Variants in TCF4 observed in about 807,000 individuals in gnomAD.
TCF4 encodes the protein SL3-3 enhancer factor 2.
In TCF4, 3 loss-of-function variants were observed where a neutral mutation model predicts 82.1. The observed-to-expected ratio is 0.04, with a 90% CI of 0.02 to 0.09. TCF4 has a LOEUF of 0.09. Among genes scored for constraint, TCF4 ranks in the 10% least tolerant of loss-of-function variants. The pLI, the probability that TCF4 is intolerant of heterozygous loss-of-function variation, is 1.00. For synonymous variants in TCF4, 276 were observed against 309.6 expected (o/e 0.89, Z 1.14); for missense variants, 518 against 852.7 (o/e 0.61, Z 4.89).
intron 8 of TCF4, among the ~76,000 whole-genome samples, chr18:55,316,550 A>G (rs1488713910): frequency 1.3e-5 from 2 of 152,120 alleles, no homozygotes; most frequent in Non-Finnish European, 2.9e-5. Flanking sequence ...CCATTAAAAG[A>G]TAAGTTATAA....
At chr18:55,316,867 A>G (rs1398064913) in intron 8 of TCF4, among the ~76,000 whole-genome samples, 4 of 152,056 alleles carry the variant, frequency 2.6e-5, no homozygotes, top group Admixed American at 6.6e-5. Context: ...ATGCTTTACC[A>G]ACACTATATT....
At chr18:55,580,539 G>C (rs1229625822) in intron 3 of TCF4, among the ~76,000 whole-genome samples, 2 of 151,898 alleles carry the variant, frequency 1.3e-5, no homozygotes, top group South Asian at 2.1e-4. Context: ...GACATATTTA[G>C]TCACATTGAT....
chr18:55,297,820 A>C (rs570353346), intron 8 of TCF4, among the ~76,000 whole-genome samples: 1 of 152,290 alleles, frequency 6.6e-6, no homozygotes, highest in African/African-American at 2.4e-5. Flanking sequence ...TTCCAAGGAC[A>C]GTTTGAGTAT....
chr18:55,462,714 C>T (rs2095893641), intron 4 of TCF4, among the ~76,000 whole-genome samples: 1 of 152,076 alleles, frequency 6.6e-6, no homozygotes, highest in Non-Finnish European at 1.5e-5. Context: ...ATGAACTAAA[C>T]AATTGAGGGG....
chr18:55,584,931 T>TA (rs1397014954), intron 3 of TCF4, among the ~76,000 whole-genome samples: 1 of 152,172 alleles, frequency 6.6e-6, no homozygotes, highest in Non-Finnish European at 1.5e-5. Flanking sequence ...TTATGAATGT[T>TA]AGAGATTTTT....
At chr18:55,315,923 A>G (rs1175870593) in intron 8 of TCF4, among the ~76,000 whole-genome samples, 1 of 152,084 alleles carries the variant, frequency 6.6e-6, no homozygotes, top group Non-Finnish European at 1.5e-5. Flanking sequence ...TGTTTTATGA[A>G]TATACAGATA....
intron 3 of TCF4, among the ~76,000 whole-genome samples, chr18:55,485,126 T>C (rs1302588012): frequency 6.6e-6 from 1 of 152,236 alleles, no homozygotes; most frequent in Non-Finnish European, 1.5e-5. Context: ...TTTGATGATT[T>C]TTCTGTTTGG....
At chr18:55,596,785 C>G (rs894667861) in intron 2 of TCF4, among the ~76,000 whole-genome samples, 11 of 152,148 alleles carry the variant, frequency 7.2e-5, no homozygotes, top group Admixed American at 2.6e-4. Context: ...AGTCTTGTTT[C>G]AGCTGTATAA....
intron 3 of TCF4, among the ~76,000 whole-genome samples, chr18:55,539,627 T>C (rs913309399): frequency 2.0e-5 from 3 of 152,114 alleles, no homozygotes; most frequent in African/African-American, 7.2e-5. Flanking sequence ...TTATCCACTG[T>C]GGACAAGTCA....
chr18:55,249,609 A>C (rs1260157015), intron 15 of TCF4, among the ~76,000 whole-genome samples: 1 of 152,228 alleles, frequency 6.6e-6, no homozygotes, highest in Non-Finnish European at 1.5e-5. Flanking sequence ...AATCTGCTTA[A>C]GTACACATCT....
intron 3 of TCF4, among the ~76,000 whole-genome samples, chr18:55,573,709 C>T (rs980956104): frequency 2.0e-5 from 3 of 152,180 alleles, no homozygotes; most frequent in Non-Finnish European, 2.9e-5. Context: ...TGACTGCTCC[C>T]CTTGATCAGA....
At chr18:55,422,148 A>AAC (rs1556299552) in intron 5 of TCF4, 402 of 832,280 alleles carry the variant, frequency 4.8e-4, no homozygotes, top group Non-Finnish European at 5.6e-4. Context: ...AAAAAAAAAA[A>AAC]CCCACCCTGA....
chr18:55,250,887 C>T (rs1339085319), intron 15 of TCF4, among the ~76,000 whole-genome samples: 1 of 152,040 alleles, frequency 6.6e-6, no homozygotes, highest in Non-Finnish European at 1.5e-5. Flanking sequence ...TGGTATGATT[C>T]ATAGGGCTGT....
chr18:55,233,073 T>A (rs1435125187), intron 16 of TCF4, among the ~76,000 whole-genome samples: 1 of 152,096 alleles, frequency 6.6e-6, no homozygotes, highest in Non-Finnish European at 1.5e-5. Context: ...TCCCAGGGAG[T>A]ATGCTAAATA....
At chr18:55,507,404 G>A (rs1049513357) in intron 3 of TCF4, among the ~76,000 whole-genome samples, 2 of 152,074 alleles carry the variant, frequency 1.3e-5, no homozygotes, top group African/African-American at 2.4e-5. Flanking sequence ...TTCATGTCCC[G>A]GATGAGATGG....
At chr18:55,407,264 C>T (rs1255498005) in intron 5 of TCF4, among the ~76,000 whole-genome samples, 1 of 152,126 alleles carries the variant, frequency 6.6e-6, no homozygotes, top group Non-Finnish European at 1.5e-5. Flanking sequence ...GAGAGGATTT[C>T]ATAAACTAAG....
chr18:55,298,692 G>A (rs1039833692), intron 8 of TCF4, among the ~76,000 whole-genome samples: 7 of 152,190 alleles, frequency 4.6e-5, no homozygotes, highest in Admixed American at 2.6e-4. Flanking sequence ...TAAAACATGT[G>A]ACTAGAGCAA....
intron 8 of TCF4, among the ~76,000 whole-genome samples, chr18:55,309,113 T>C (rs898447108): frequency 6.6e-6 from 1 of 151,834 alleles, no homozygotes; most frequent in African/African-American, 2.4e-5. Context: ...ATTATTATTA[T>C]CATTATTTTT....
chr18:55,251,613 T>C (rs983032656), intron 15 of TCF4, among the ~76,000 whole-genome samples: 7 of 152,182 alleles, frequency 4.6e-5, no homozygotes, highest in Non-Finnish European at 7.3e-5. Flanking sequence ...GATTCAGAGC[T>C]GTCTACTCTT....
Sources: gnomAD v4.1 joint callset for allele counts (sites outside exome capture counted in the v4.1 genomes callset) on GRCh38, gnomAD v4.1.1 for gene constraint, MANE v1.5 for transcripts, NCBI Gene and HGNC (gene_info 2026-07-23, HGNC 2026-07-21) for gene names.